Variants in LMF2 observed in about 807,000 individuals in gnomAD.
The protein encoded by LMF2 is transmembrane protein 112B.
A neutral mutation model predicts 81.5 loss-of-function variants in LMF2; 113 were observed. That is an observed-to-expected ratio of 1.39 (90% CI 1.19 to 1.62). LMF2 has a LOEUF of 1.62. Among genes scored for constraint, LMF2 ranks in the 40% most tolerant of loss-of-function variants. LMF2 has a pLI of 0.00. For missense variants in LMF2, 1,235 were observed against 929.1 expected (o/e 1.33, Z -4.28); for synonymous variants, 645 against 424.5 (o/e 1.52, Z -6.39).
At position 50,504,344 on chromosome 22, in the gene LMF2, G is replaced by A. The variant is rs1384528186; in HGVS notation, c.1714C>T (p.Gln572Ter). 2.5e-6 allele frequency: 4 copies of A among 1,609,956 alleles called. No homozygotes were observed. Among genetic ancestry groups the A allele is most frequent in the South Asian group, 2.2e-5 (2 of 90,950 alleles). ...YKYWFSQPGE[Q>*]GQWWRRQWVE... is the part of the protein sequence containing the mutation. ...CCACCCGGTGCCCAGCCTTACCCCT[G>A]CTCCCCAGGCTGGGAGAACCAGTAC... The change falls in exon 12 of 14, where the codon CAG (glutamine) becomes TAG (stop). Residue 572 changes from glutamine to a stop codon, truncating the protein, a stop_gained. Transcript: ENST00000474879. LOFTEE classifies it high-confidence loss of function.
rs533940345 is a variant in LMF2, at chr22:50,505,708, C to T, written c.882G>A (p.Glu294=). The change falls in exon 6 of 14, where the codon GAG becomes GAA. Residue 294 remains glutamate (E), a synonymous_variant. Coordinates refer to ENST00000474879, the MANE Select transcript of LMF2 (RefSeq NM_033200.3). The part of the protein sequence containing the change: ...ALLDDQHLAA[E]PGHGSRKKTA... ...TCTTCTTGCGGCTGCCGTGGCCAGG[C>T]TCAGCAGCCAGGTGCTGGTCGTCCA... The T allele has an allele frequency of 1.9e-6, 3 of 1,612,762 alleles. No individual in the cohort carries two copies. The highest frequency in any genetic ancestry group is 1.3e-5 in the African/African-American group (1 of 74,928).
rs2068473484 is a variant in LMF2 at position 50,503,874 on chromosome 22, C to T, written c.1749G>A (p.Glu583=). ...CCCCCAGGGACACGGATGGGAAGAA[C>T]TCCTCCACCCACTGGCGCCGCCACC... ...GQWWRRQWVE[E]FFPSVSLGDP... The change falls in exon 13 of 14, where the codon GAG becomes GAA. Residue 583 remains glutamate (E), a synonymous_variant. Coordinates refer to ENST00000474879, the MANE Select transcript of LMF2 (RefSeq NM_033200.3). 1 of 1,605,798 alleles carries T rather than the reference C, an allele frequency of 6.2e-7. No homozygotes were observed. The highest frequency in any genetic ancestry group is 8.5e-7 in the Non-Finnish European group (1 of 1,179,426).
rs116898513 is a variant in LMF2, at chr22:50,505,487, C to T, written c.967G>A (p.Val323Ile). Residue 323 changes from valine to isoleucine, a missense_variant, in exon 7 of 14, where the codon GTC becomes ATC. Transcript: ENST00000474879. ...GTGCCATAGGCCAGAAGCCCGTAGA[C>T]GGCTAGTTCCAGCAGCAGCGACAGG... Reference protein sequence around the residue: ...ATLSLLLELAVYGLLAYGTVH... With the variant: ...ATLSLLLELAIYGLLAYGTVH... 1.2e-3 allele frequency: 1,932 copies of T among 1,612,872 alleles called. No homozygotes were observed. Among genetic ancestry groups the T allele is most frequent in the Non-Finnish European group, 1.4e-3 (1,651 of 1,180,020 alleles).
In LMF2 at chr22:50,504,514, C is replaced by G. The variant is rs762223248; in HGVS notation, c.1606+45G>C. On this transcript the variant is annotated intron_variant, in intron 11 of 13. Transcript: ENST00000474879. ...CGCCCTGCCCCTCCCCTCCCCACCC[C>G]GCTCCACCCCAGCCCACTCCACACC... is the stretch of plus-strand genomic sequence containing the variant. 24 of 1,510,010 alleles carry G rather than the reference C, an allele frequency of 1.6e-5. No individual in the cohort carries two copies. The East Asian group carries it at 5.6e-4, about 35-fold the overall frequency. 93.5% of individuals were successfully genotyped at this position (1,510,010 alleles called of 1,614,324 possible).
At position 50,506,975 on chromosome 22, in the gene LMF2, C is replaced by G. The variant is rs780374991; in HGVS notation, c.155G>C (p.Gly52Ala). 2.5e-6 allele frequency: 4 copies of G among 1,592,048 alleles called. No homozygotes were observed. The highest frequency in any genetic ancestry group is 1.9e-4 in the Middle Eastern group (1 of 5,216). ...GGTCTCCCACAGCTGCTGCCAGCGC[C>G]CCTTGCCCTGAGGCCGCAGCGTCCT... ...ARRTLRPQGKGRWQQLWETPT... is the reference protein window; with the variant it reads ...ARRTLRPQGKARWQQLWETPT... The change falls in exon 2 of 14, where the codon GGG becomes GCG. Residue 52 changes from glycine to alanine, a missense_variant. Physicochemically the swap from Gly to Ala is moderately conservative, Grantham distance 60 (BLOSUM62 0). Transcript: ENST00000474879.
At chr22:50,507,058 C>T (rs748231331) in intron 1 of LMF2, 23 bp from the exon 2 acceptor site, 24 of 1,576,782 alleles carry the variant, frequency 1.5e-5, no homozygotes, top group Admixed American at 6.9e-5. Context: ...ATGTCATGGC[C>T]AGGCCCTGGA....
At chr22:50,505,853 C>T (rs200290816) in intron 5 of LMF2, 38 bp from the exon 6 acceptor site, 89 of 1,608,610 alleles carry the variant, frequency 5.5e-5, no homozygotes, top group Admixed American at 2.0e-4. Flanking sequence ...CGGAGACTGA[C>T]GCCTGGCCCC....
At chr22:50,504,015 CTG>C (rs2068479141) in intron 12 of LMF2, 111 bp from the exon 13 acceptor site, 11 of 1,040,082 alleles carry the variant, frequency 1.1e-5, no homozygotes, top group South Asian at 1.5e-5. Context: ...ACATCCCCCC[CTG>C]GTGCCCGGCC....
At chr22:50,504,495 G>GGCCCCCCCCCAC in intron 11 of LMF2, 44 bp from the exon 12 acceptor site, 3 of 1,339,588 alleles carry the variant, frequency 2.2e-6, no homozygotes, top group African/African-American at 1.5e-5. Context: ...TACCCGCCCT[G>GGCCCCCCCCCAC]CCCCTCCCCT....
chr22:50,507,285 C>T, intron 1 of LMF2: 1 of 627,340 alleles, frequency 1.6e-6, no homozygotes, highest in East Asian at 2.8e-5. Flanking sequence ...TGCCCTCTTC[C>T]AGGTCTCAGC....
chr22:50,507,119 G>A, intron 1 of LMF2, 84 bp from the exon 2 acceptor site: 10 of 1,501,036 alleles, frequency 6.7e-6, no homozygotes, highest in Non-Finnish European at 8.0e-6. Context: ...AGATCCCCCA[G>A]CCTAGGTCAG....
chr22:50,505,018 T>C, intron 9 of LMF2, 34 bp from the exon 10 acceptor site: 1 of 1,612,212 alleles, frequency 6.2e-7, no homozygotes, highest in African/African-American at 1.3e-5. Flanking sequence ...AGGGCTGCCC[T>C]GCCCCCAGCC....
chr22:50,503,477 T>C lies in LMF2; in HGVS notation c.2038A>G (p.Lys680Glu), dbSNP rs769059440. Reference protein sequence around the residue: ...SGEKRRPASQKDSGAASEQAT... With the variant: ...SGEKRRPASQEDSGAASEQAT... The stretch of plus-strand genomic sequence containing the variant: ...TGTTCGGAGGCAGCTCCGGAGTCTT[T>C]CTGGGAGGCTGGCCTGCGCTTCTCC... The change falls in exon 14 of 14, where the codon AAA becomes GAA. Residue 680 changes from lysine to glutamate, a missense_variant. Lys to Glu is a moderately conservative substitution (Grantham distance 56, BLOSUM62 1). Transcript: ENST00000474879. 6.3e-7 allele frequency: 1 copy of C among 1,594,288 alleles called. No homozygotes were observed. The highest frequency in any genetic ancestry group is 1.4e-5 in the African/African-American group (1 of 73,590).
Position 50,504,390 on chromosome 22 carries a change from G to T in LMF2, c.1668C>A (p.Tyr556Ter). ...RYPFHKQPPTYVRAQRYKYWF... is the reference protein window; with the variant it reads ...RYPFHKQPPT ...AGTACTTGTAGCGCTGGGCTCGGAC[G>T]TAGGTGGGCGGCTGCTTGTGGAAGG... Residue 556 changes from tyrosine to a stop codon, truncating the protein, a stop_gained, in exon 12 of 14, where the codon TAC (tyrosine) becomes TAA (stop). Transcript: ENST00000474879. LOFTEE classifies it high-confidence loss of function. 6.2e-7 allele frequency: 1 copy of T among 1,612,272 alleles called. No homozygotes were observed. Among genetic ancestry groups the T allele is most frequent in the Non-Finnish European group, 8.5e-7 (1 of 1,179,644 alleles).
intron 6 of LMF2, 47 bp from the exon 7 acceptor site, chr22:50,505,584 G>A (rs952985012): frequency 6.2e-7 from 1 of 1,610,778 alleles, no homozygotes; most frequent in Non-Finnish European, 8.5e-7. Context: ...CCCAGCCAGG[G>A]GGCTGGGGTG....
At position 50,504,841 on chromosome 22, in the gene LMF2, C is replaced by T. The variant is rs1273290552; in HGVS notation, c.1398G>A (p.Glu466=). ...CGTCGTAACTGCCCTCCAGCACCAC[C>T]TCAGGCCGTCCACCAAGCCCAGTCA... ...RRMTGLGGRP[E]VVLEGSYDGH... is the part of the protein sequence containing the mutation. The change falls in exon 10 of 14, where the codon GAG becomes GAA. Residue 466 remains glutamate (E), a synonymous_variant. Coordinates refer to ENST00000474879, the MANE Select transcript of LMF2 (RefSeq NM_033200.3). 6.2e-7 allele frequency: 1 copy of T among 1,610,812 alleles called. No homozygotes were observed. The highest frequency in any genetic ancestry group is 2.2e-5 in the East Asian group (1 of 44,802).
chr22:50,503,380 G>A lies in LMF2; in HGVS notation c.*11C>T, dbSNP rs1316919769. The A allele has an allele frequency of 1.2e-6, 2 of 1,610,722 alleles. No homozygotes were observed. Among genetic ancestry groups the A allele is most frequent in the South Asian group, 1.1e-5 (1 of 90,934 alleles). On this transcript the variant is annotated 3_prime_UTR_variant, in exon 14 of 14. Coordinates refer to ENST00000474879, the MANE Select transcript of LMF2 (RefSeq NM_033200.3). ...CTGGCCCTCTCAGGACGTGCAGCTG[G>A]GAGAACACAGCTACTTCTTTCGCCG...
intron 6 of LMF2, 44 bp from the exon 7 acceptor site, chr22:50,505,581 AG>A: frequency 1.2e-6 from 2 of 1,611,074 alleles, no homozygotes; most frequent in Non-Finnish European, 1.7e-6. Context: ...GTCCCCAGCC[AG>A]GGGGCTGGGG....
Position 50,506,622 on chromosome 22 carries a change from C to T in LMF2, c.377+16G>A, listed in dbSNP as rs772476667. The T allele has an allele frequency of 5.6e-6, 9 of 1,610,976 alleles. No homozygotes were observed. In the African/African-American group the frequency reaches 6.7e-5, roughly 12 times the overall value. On this transcript the variant is annotated intron_variant, in intron 3 of 13. Coordinates refer to ENST00000474879, the MANE Select transcript of LMF2 (RefSeq NM_033200.3). ...CTACCCAGCCTCCCACAGCCCCAGG[C>T]CCAGCCGTCACTCACCACTGGAAAT...
Sources: gnomAD v4.1 joint callset for allele counts on GRCh38, gnomAD v4.1.1 for gene constraint, MANE v1.5 for transcripts, NCBI Gene and HGNC (gene_info 2026-07-23, HGNC 2026-07-21) for gene names.